SLC4A4: variants seen among roughly 807,000 people sequenced by gnomAD.
The protein encoded by SLC4A4 is solute carrier family 4 member 4.
A neutral mutation model predicts 111.5 loss-of-function variants in SLC4A4; 27 were observed. The observed-to-expected ratio is 0.24, with a 90% CI of 0.18 to 0.33. The LOEUF (loss-of-function observed/expected upper bound fraction) is 0.33. Among genes scored for constraint, SLC4A4 ranks in the 10% least tolerant of loss-of-function variants. The pLI is 1.00. For synonymous variants in SLC4A4, 443 were observed against 463.4 expected, an observed-to-expected ratio of 0.96 and a Z score of 0.57; for missense variants, 909 against 1,315.5, an observed-to-expected ratio of 0.69 and a Z score of 4.78.
chr4:71,489,838 G>C (rs932176913), intron 15 of SLC4A4, among the ~76,000 whole-genome samples: 1 of 151,720 alleles, frequency 6.6e-6, no homozygotes, highest in African/African-American at 2.4e-5. Context: ...GCTCTCACAG[G>C]CCTTCAGTAC....
intron 13 of SLC4A4, among the ~76,000 whole-genome samples, chr4:71,470,250 G>A (rs6820882): frequency 0.1 from 15,865 of 151,666 alleles, 1,446 homozygotes; most frequent in East Asian, 0.45. Context: ...GTGGTGTTCC[G>A]GACACAAAGC....
chr4:71,312,388 T>C (rs1014290101), intron 3 of SLC4A4, among the ~76,000 whole-genome samples: 6 of 152,034 alleles, frequency 3.9e-5, no homozygotes, highest in African/African-American at 1.2e-4. Flanking sequence ...TTACAAACAA[T>C]AGAAGAAGAG....
intron 16 of SLC4A4, among the ~76,000 whole-genome samples, chr4:71,514,632 C>T (rs940249280): frequency 2.0e-5 from 3 of 152,068 alleles, no homozygotes; most frequent in East Asian, 1.9e-4. Context: ...CTGGGATTTT[C>T]GTTATTGGGA....
At chr4:71,240,451 C>G (rs1720119845) in intron 2 of SLC4A4, among the ~76,000 whole-genome samples, 2 of 152,144 alleles carry the variant, frequency 1.3e-5, no homozygotes, top group African/African-American at 2.4e-5. Flanking sequence ...AATGTGTCTC[C>G]ATTTTTGAGG....
intron 3 of SLC4A4, among the ~76,000 whole-genome samples, chr4:71,295,202 A>G (rs2148831059): frequency 6.6e-6 from 1 of 152,258 alleles, no homozygotes; most frequent in Non-Finnish European, 1.5e-5. Flanking sequence ...TGGATTTAGG[A>G]GCTATCTGCT....
intron 3 of SLC4A4, among the ~76,000 whole-genome samples, chr4:71,290,080 T>C (rs990964108): frequency 6.6e-6 from 1 of 151,988 alleles, no homozygotes; most frequent in African/African-American, 2.4e-5. Context: ...GTCTGCTGGG[T>C]TAGGAAAAAA....
intron 1 of SLC4A4, among the ~76,000 whole-genome samples, chr4:71,188,498 G>C (rs1392413781): frequency 6.6e-6 from 1 of 152,158 alleles, no homozygotes; most frequent in Non-Finnish European, 1.5e-5. Flanking sequence ...ACACTGGGCT[G>C]TACTAAACGC....
At chr4:71,115,855 C>T (rs1743228737) in intron 2 of SLC4A4, among the ~76,000 whole-genome samples, 1 of 151,990 alleles carries the variant, frequency 6.6e-6, no homozygotes, top group Admixed American at 6.6e-5. Flanking sequence ...GATAACTTTC[C>T]ATTTAAAAAG....
chr4:71,375,239 G>A (rs970806852), intron 6 of SLC4A4, among the ~76,000 whole-genome samples: 1 of 152,196 alleles, frequency 6.6e-6, no homozygotes. Context: ...ATGTGGAAGT[G>A]TTCAGTGGTA....
chr4:71,280,639 C>CT (rs909209744), intron 3 of SLC4A4, among the ~76,000 whole-genome samples: 1 of 152,070 alleles, frequency 6.6e-6, no homozygotes, highest in African/African-American at 2.4e-5. Context: ...CTTAAAGTGT[C>CT]TTTCACAGAG....
intron 6 of SLC4A4, among the ~76,000 whole-genome samples, chr4:71,383,026 C>T (rs1412125240): frequency 6.6e-6 from 1 of 152,160 alleles, no homozygotes; most frequent in African/African-American, 2.4e-5. Flanking sequence ...CAATCTTTAA[C>T]TAGTATAACT....
At chr4:71,456,662 A>G (rs1475750989) in intron 12 of SLC4A4, among the ~76,000 whole-genome samples, 3 of 152,196 alleles carry the variant, frequency 2.0e-5, no homozygotes, top group Admixed American at 6.5e-5. Flanking sequence ...TGTGTTTGAC[A>G]CTGTTTTAAG....
At chr4:71,382,436 A>G (rs1028841449) in intron 6 of SLC4A4, among the ~76,000 whole-genome samples, 2 of 152,196 alleles carry the variant, frequency 1.3e-5, no homozygotes, top group Non-Finnish European at 1.5e-5. Flanking sequence ...AATAGAAGCT[A>G]TACATATTTA....
chr4:71,420,999 T>A (rs1405896348), intron 7 of SLC4A4, among the ~76,000 whole-genome samples: 1 of 148,208 alleles, frequency 6.7e-6, no homozygotes, highest in Non-Finnish European at 1.5e-5. Flanking sequence ...TAACTTTAAA[T>A]GTAAATGGAC....
intron 9 of SLC4A4, among the ~76,000 whole-genome samples, chr4:71,450,145 T>C (rs1725623189): frequency 6.6e-6 from 1 of 152,166 alleles, no homozygotes; most frequent in Non-Finnish European, 1.5e-5. Context: ...TTTTATATTA[T>C]TGGTAGGAAA....
chr4:71,222,656 G>A (rs1197307162), intron 1 of SLC4A4, among the ~76,000 whole-genome samples: 2 of 152,146 alleles, frequency 1.3e-5, no homozygotes, highest in African/African-American at 2.4e-5. Flanking sequence ...GAAAAATGAA[G>A]GATAAACTTT....
At chr4:71,379,191 C>G (rs76617062) in intron 6 of SLC4A4, among the ~76,000 whole-genome samples, 6,425 of 152,218 alleles carry the variant, frequency 0.042, 193 homozygotes, top group East Asian at 0.12. Context: ...AGTGATGACT[C>G]TCTATCATTT....
chr4:71,152,225 A>G (rs1424948398), intron 2 of SLC4A4, among the ~76,000 whole-genome samples: 1 of 152,174 alleles, frequency 6.6e-6, no homozygotes, highest in Non-Finnish European at 1.5e-5. Context: ...CCAAGTGGTA[A>G]CCATTATTCT....
chr4:71,174,904 C>T (rs1745042814), intron 2 of SLC4A4, among the ~76,000 whole-genome samples: 1 of 152,102 alleles, frequency 6.6e-6, no homozygotes, highest in Non-Finnish European at 1.5e-5. Flanking sequence ...ATCTTTTTGT[C>T]CTTTTCTGAC....
Sources: gnomAD v4.1 joint callset for allele counts (sites outside exome capture counted in the v4.1 genomes callset) on GRCh38, gnomAD v4.1.1 for gene constraint, MANE v1.5 for transcripts, NCBI Gene and HGNC (gene_info 2026-07-23, HGNC 2026-07-21) for gene names.